KCTD8: variants seen among roughly 807,000 people sequenced by gnomAD.
KCTD8 encodes the protein BTB/POZ domain-containing protein KCTD8.
In KCTD8, 27 loss-of-function variants were observed where a neutral mutation model predicts 31.5. The ratio of observed to expected loss-of-function variants is 0.86; its 90% CI spans 0.63 to 1.18. KCTD8 has a LOEUF of 1.18. KCTD8 is among the 50% of genes most tolerant of loss of function. The pLI, the probability that KCTD8 is intolerant of heterozygous loss-of-function variation, is 0.00. For synonymous variants in KCTD8, 290 were observed against 280.0 expected (o/e 1.04, Z -0.36); for missense variants, 658 against 647.7 (o/e 1.02, Z -0.17).
chr4:44,288,948 C>T (rs1717184674), intron 1 of KCTD8, among the ~76,000 whole-genome samples: 1 of 151,174 alleles, frequency 6.6e-6, no homozygotes, highest in African/African-American at 2.4e-5. Context: ...TCTATAAAAA[C>T]AATAAAGGAT....
chr4:44,375,072 C>A (rs1390643184), intron 1 of KCTD8, among the ~76,000 whole-genome samples: 1 of 152,188 alleles, frequency 6.6e-6, no homozygotes, highest in East Asian at 1.9e-4. Flanking sequence ...CATTCATTCA[C>A]CTGAATTGTT....
At chr4:44,192,409 C>T (rs906297957) in intron 1 of KCTD8, among the ~76,000 whole-genome samples, 2 of 151,190 alleles carry the variant, frequency 1.3e-5, no homozygotes, top group South Asian at 2.1e-4. Flanking sequence ...CTCATCCACT[C>T]GTATGTCCTG....
intron 1 of KCTD8, among the ~76,000 whole-genome samples, chr4:44,371,936 C>A (rs943303148): frequency 6.6e-6 from 1 of 152,128 alleles, no homozygotes; most frequent in African/African-American, 2.4e-5. Flanking sequence ...TCAATCTCTG[C>A]TCTACATAAC....
chr4:44,292,412 A>G (rs188783118), intron 1 of KCTD8, among the ~76,000 whole-genome samples: 4 of 152,248 alleles, frequency 2.6e-5, no homozygotes, highest in African/African-American at 9.6e-5. Flanking sequence ...TATAAATGGG[A>G]GTGAAACCCT....
chr4:44,192,714 G>A, intron 1 of KCTD8, among the ~76,000 whole-genome samples: 1 of 152,136 alleles, frequency 6.6e-6, no homozygotes, highest in East Asian at 1.9e-4. Flanking sequence ...GTGTGTCTGT[G>A]AGGGTGTTGC....
intron 1 of KCTD8, among the ~76,000 whole-genome samples, chr4:44,422,363 A>T (rs1721233563): frequency 6.6e-6 from 1 of 151,934 alleles, no homozygotes; most frequent in Non-Finnish European, 1.5e-5. Context: ...AGTTTGTGTA[A>T]ATGGGAAGGA....
intron 1 of KCTD8, among the ~76,000 whole-genome samples, chr4:44,265,077 C>A (rs2109367786): frequency 6.6e-6 from 1 of 152,264 alleles, no homozygotes; most frequent in Admixed American, 6.5e-5. Flanking sequence ...TGAGAACGGG[C>A]AGACTGCCTC....
chr4:44,237,000 G>C (rs140691708), intron 1 of KCTD8, among the ~76,000 whole-genome samples: 7 of 152,312 alleles, frequency 4.6e-5, no homozygotes, highest in African/African-American at 1.7e-4. Context: ...GGCCTCCCAA[G>C]CCACATGGAA....
chr4:44,214,461 T>C (rs1463412590), intron 1 of KCTD8, among the ~76,000 whole-genome samples: 1 of 152,212 alleles, frequency 6.6e-6, no homozygotes, highest in African/African-American at 2.4e-5. Flanking sequence ...CATATATCAA[T>C]AACCTGTACA....
intron 1 of KCTD8, among the ~76,000 whole-genome samples, chr4:44,333,060 T>C (rs1262524394): frequency 6.6e-6 from 1 of 152,108 alleles, no homozygotes; most frequent in Non-Finnish European, 1.5e-5. Flanking sequence ...ATAATGATTG[T>C]AGAGTCTGTC....
At chr4:44,213,538 C>T (rs894770313) in intron 1 of KCTD8, among the ~76,000 whole-genome samples, 1 of 152,076 alleles carries the variant, frequency 6.6e-6, no homozygotes, top group Non-Finnish European at 1.5e-5. Flanking sequence ...AAACATGTAG[C>T]ATAATATGAA....
At chr4:44,273,265 T>C (rs769532028) in intron 1 of KCTD8, among the ~76,000 whole-genome samples, 1 of 151,994 alleles carries the variant, frequency 6.6e-6, no homozygotes, top group African/African-American at 2.4e-5. Context: ...AGAACAAGTA[T>C]ATTGAAAGGC....
chr4:44,209,220 C>A (rs1400416582), intron 1 of KCTD8, among the ~76,000 whole-genome samples: 1 of 151,996 alleles, frequency 6.6e-6, no homozygotes, highest in East Asian at 1.9e-4. Context: ...GCTTCTCTTG[C>A]AATGTGGAAT....
chr4:44,425,839 C>T (rs368271303), intron 1 of KCTD8, among the ~76,000 whole-genome samples: 20 of 151,928 alleles, frequency 1.3e-4, no homozygotes, highest in Middle Eastern at 6.8e-3. Context: ...AGTGGCCAGG[C>T]ACAGCATCAG....
At chr4:44,379,111 C>T (rs990064281) in intron 1 of KCTD8, among the ~76,000 whole-genome samples, 2 of 152,060 alleles carry the variant, frequency 1.3e-5, no homozygotes, top group Admixed American at 6.6e-5. Context: ...ATAATATCCC[C>T]ATCTCAAGAT....
chr4:44,235,339 T>C (rs1490415308), intron 1 of KCTD8, among the ~76,000 whole-genome samples: 2 of 150,322 alleles, frequency 1.3e-5, no homozygotes, highest in Non-Finnish European at 3.0e-5. Flanking sequence ...AAATTGTTAC[T>C]TGTCATGATA....
intron 1 of KCTD8, among the ~76,000 whole-genome samples, chr4:44,197,161 T>C (rs1391649527): frequency 6.6e-6 from 1 of 151,902 alleles, no homozygotes; most frequent in Non-Finnish European, 1.5e-5. Context: ...CAGGACTCAT[T>C]GGTTTGGGTA....
intron 1 of KCTD8, among the ~76,000 whole-genome samples, chr4:44,250,346 C>T (rs1410674813): frequency 6.6e-6 from 1 of 151,682 alleles, no homozygotes; most frequent in African/African-American, 2.4e-5. Flanking sequence ...AATGAAATCC[C>T]ATTGTTGTTT....
At chr4:44,324,295 T>C (rs1718386516) in intron 1 of KCTD8, among the ~76,000 whole-genome samples, 1 of 152,036 alleles carries the variant, frequency 6.6e-6, no homozygotes, top group Non-Finnish European at 1.5e-5. Flanking sequence ...ACAGTCAAGC[T>C]ATTAATTCTG....
Sources: allele counts gnomAD v4.1 joint callset (sites outside exome capture counted in the v4.1 genomes callset), GRCh38; gene constraint gnomAD v4.1.1; transcripts MANE v1.5; gene names NCBI Gene and HGNC (gene_info 2026-07-23, HGNC 2026-07-21).